Variants in RBMS3 observed in about 807,000 individuals in gnomAD.
RBMS3 encodes RNA-binding motif, single-stranded-interacting protein 3.
A neutral mutation model predicts 66.8 loss-of-function variants in RBMS3; 27 were observed. The ratio of observed to expected loss-of-function variants is 0.40; its 90% CI spans 0.30 to 0.56. RBMS3 has a LOEUF of 0.56. Ranked by LOEUF, RBMS3 falls within the 20% of genes least tolerant of loss-of-function variation. The pLI, the probability that RBMS3 is intolerant of heterozygous loss-of-function variation, is 0.40. For synonymous variants in RBMS3, 188 were observed against 183.0 expected, an observed-to-expected ratio of 1.03 and a Z score of -0.22; for missense variants, 513 against 549.5, an observed-to-expected ratio of 0.93 and a Z score of 0.66.
At position 29,579,939 on chromosome 3, in the gene RBMS3, C is replaced by A. The variant is rs563992312; in HGVS notation, c.308-7175C>A. On this transcript the variant is annotated intron_variant, in intron 3 of 14. Coordinates refer to ENST00000383767, the MANE Select transcript of RBMS3 (RefSeq NM_001003793.3). ...TTCTGATACTCATTTTGACTTTATTCAGTATAAAGAAGCAATTTCTCTCAT... is the reference window on the plus strand; with the variant it reads ...TTCTGATACTCATTTTGACTTTATTAAGTATAAAGAAGCAATTTCTCTCAT... Among the ~76,000 whole-genome samples the A allele has an allele frequency of 2.6e-5, 4 of 152,222 alleles. No homozygotes were observed. In the East Asian group the frequency reaches 7.7e-4, roughly 29 times the overall value.
At chr3:29,931,493 G>A (rs1439819508) in intron 10 of RBMS3, among the ~76,000 whole-genome samples, 3 of 152,174 alleles carry the variant, frequency 2.0e-5, no homozygotes, top group Non-Finnish European at 4.4e-5. Context: ...ATTTTTTAAA[G>A]TTGGACTGCA....
At chr3:29,282,832 G>A (rs1015548015) in intron 1 of RBMS3, among the ~76,000 whole-genome samples, 4 of 152,134 alleles carry the variant, frequency 2.6e-5, no homozygotes, top group Non-Finnish European at 4.4e-5. Flanking sequence ...TCATGCTGTA[G>A]TTATCTGTCA....
At chr3:29,591,484 T>G (rs1366366134) in intron 4 of RBMS3, among the ~76,000 whole-genome samples, 2 of 152,142 alleles carry the variant, frequency 1.3e-5, no homozygotes, top group African/African-American at 2.4e-5. Context: ...TCCTGCTAGG[T>G]GGAAATAGAA....
At chr3:29,466,123 C>A (rs2042533765) in intron 2 of RBMS3, among the ~76,000 whole-genome samples, 1 of 151,874 alleles carries the variant, frequency 6.6e-6, no homozygotes, top group Non-Finnish European at 1.5e-5. Context: ...TTTTAATGAA[C>A]TATAAAAATC....
chr3:29,776,123 C>T (rs888326563), intron 6 of RBMS3, among the ~76,000 whole-genome samples: 11 of 152,004 alleles, frequency 7.2e-5, no homozygotes, highest in African/African-American at 2.7e-4. Context: ...AAGCATTTTA[C>T]ATCTTTGCTA....
At chr3:29,535,571 T>A (rs2045521119) in intron 3 of RBMS3, among the ~76,000 whole-genome samples, 2 of 152,002 alleles carry the variant, frequency 1.3e-5, no homozygotes, top group South Asian at 4.1e-4. Context: ...GGATCTGGAG[T>A]TTGACAAAAC....
intron 1 of RBMS3, among the ~76,000 whole-genome samples, chr3:29,318,885 G>T (rs10865825): frequency 0.65 from 98,797 of 151,618 alleles, 33,305 homozygotes; most frequent in East Asian, 0.88. Context: ...GGCATAAAGG[G>T]ATCAAAATCA....
intron 1 of RBMS3, among the ~76,000 whole-genome samples, chr3:29,294,208 T>A (rs1316891245): frequency 1.3e-5 from 2 of 151,816 alleles, no homozygotes; most frequent in Non-Finnish European, 2.9e-5. Flanking sequence ...AGGCAGTGCT[T>A]TTTTGAACCA....
At chr3:29,378,769 T>G (rs1490526438) in intron 1 of RBMS3, among the ~76,000 whole-genome samples, 1 of 151,972 alleles carries the variant, frequency 6.6e-6, no homozygotes, top group Non-Finnish European at 1.5e-5. Context: ...AAAACAGAAT[T>G]GTATCGAAAA....
chr3:29,412,041 G>C (rs1242565771), intron 1 of RBMS3, among the ~76,000 whole-genome samples: 2 of 152,184 alleles, frequency 1.3e-5, no homozygotes, highest in Non-Finnish European at 2.9e-5. Context: ...AAATTCAAAT[G>C]TGCATTTAGT....
intron 1 of RBMS3, among the ~76,000 whole-genome samples, chr3:29,361,834 T>C (rs1218615945): frequency 6.6e-6 from 1 of 152,248 alleles, no homozygotes; most frequent in Non-Finnish European, 1.5e-5. Flanking sequence ...TTCCAGTTGA[T>C]TGAATCGGCT....
chr3:29,282,980 T>C (rs1472754467), intron 1 of RBMS3, among the ~76,000 whole-genome samples: 6 of 152,174 alleles, frequency 3.9e-5, no homozygotes, highest in African/African-American at 1.4e-4. Context: ...CAAGGTCGAC[T>C]CACACTGCTA....
At chr3:29,514,554 C>A (rs976662903) in intron 3 of RBMS3, among the ~76,000 whole-genome samples, 1 of 150,746 alleles carries the variant, frequency 6.6e-6, no homozygotes, top group Non-Finnish European at 1.5e-5. Context: ...TGGAAAAACA[C>A]TGTGATTGAC....
chr3:29,953,433 A>G (rs1327337102), intron 12 of RBMS3, among the ~76,000 whole-genome samples: 1 of 151,960 alleles, frequency 6.6e-6, no homozygotes, highest in Non-Finnish European at 1.5e-5. Flanking sequence ...TGGGAATGCT[A>G]TGACCTTGCA....
At chr3:29,310,501 T>C (rs1295367023) in intron 1 of RBMS3, among the ~76,000 whole-genome samples, 1 of 138,962 alleles carries the variant, frequency 7.2e-6, no homozygotes, top group Non-Finnish European at 1.6e-5. Flanking sequence ...GATTTCAATC[T>C]TCTGTATTTT....
At chr3:29,720,960 C>T (rs2053618985) in intron 4 of RBMS3, among the ~76,000 whole-genome samples, 1 of 152,100 alleles carries the variant, frequency 6.6e-6, no homozygotes, top group African/African-American at 2.4e-5. Flanking sequence ...GCAAGCTACA[C>T]TCAGATGAAG....
chr3:29,724,985 C>CTATTGAA (rs1364868737), intron 4 of RBMS3, among the ~76,000 whole-genome samples: 2 of 152,088 alleles, frequency 1.3e-5, no homozygotes, highest in Non-Finnish European at 2.9e-5. Context: ...GATGAAAAAA[C>CTATTGAA]TATTGAATGA....
intron 3 of RBMS3, among the ~76,000 whole-genome samples, chr3:29,532,722 C>T (rs1006487778): frequency 6.6e-6 from 1 of 152,098 alleles, no homozygotes; most frequent in Non-Finnish European, 1.5e-5. Flanking sequence ...TAGCCAGATC[C>T]AGTCTCTAAA....
chr3:29,760,798 A>G (rs975401122), intron 5 of RBMS3, among the ~76,000 whole-genome samples: 3 of 152,170 alleles, frequency 2.0e-5, no homozygotes, highest in Non-Finnish European at 2.9e-5. Context: ...TGCCTTTCTT[A>G]TCCAAACATC....
Sources: gnomAD v4.1 joint callset for allele counts (sites outside exome capture counted in the v4.1 genomes callset) on GRCh38, gnomAD v4.1.1 for gene constraint, MANE v1.5 for transcripts, NCBI Gene and HGNC (gene_info 2026-07-23, HGNC 2026-07-21) for gene names.